The following LRP8 variants were observed in gnomAD, a reference collection of about 807,000 sequenced individuals.
LRP8 encodes the protein LDL receptor related protein 8.
A neutral mutation model predicts 111.6 loss-of-function variants in LRP8; 46 were observed. The ratio of observed to expected loss-of-function variants is 0.41; its 90% confidence interval spans 0.33 to 0.53. LRP8 has a LOEUF of 0.53. LRP8 is among the 20% of genes least tolerant of loss of function. LRP8 has a pLI of 0.20. For missense variants in LRP8, 959 were observed against 1,297.4 expected, an observed-to-expected ratio of 0.74 and a Z score of 4.01; for synonymous variants, 464 against 511.2, an observed-to-expected ratio of 0.91 and a Z score of 1.24.
chr1:53,265,773 C>T (rs1463085976), intron 9 of LRP8, among the ~76,000 whole-genome samples: 1 of 152,246 alleles, frequency 6.6e-6, no homozygotes, highest in Non-Finnish European at 1.5e-5. Context: ...CTACCCAGCG[C>T]CTGGTCATCG....
chr1:53,305,482 C>T (rs1336574307), intron 2 of LRP8: 1 of 152,250 alleles, frequency 6.6e-6, no homozygotes, highest in Non-Finnish European at 1.5e-5. Flanking sequence ...GGCCTAGCCT[C>T]TGTCATCCTG....
intron 2 of LRP8, among the ~76,000 whole-genome samples, chr1:53,297,261 C>T (rs915910072): frequency 2.0e-5 from 3 of 152,202 alleles, no homozygotes; most frequent in Admixed American, 6.5e-5. Context: ...TGACAGCTAC[C>T]GCCAGAGTCG....
chr1:53,311,386 T>C (rs187711961), intron 2 of LRP8, among the ~76,000 whole-genome samples: 1 of 152,244 alleles, frequency 6.6e-6, no homozygotes, highest in Admixed American at 6.5e-5. Flanking sequence ...TCCTGGGGTG[T>C]GGGCTCCAAG....
At chr1:53,308,787 G>A (rs112739494) in intron 2 of LRP8, among the ~76,000 whole-genome samples, 2 of 152,192 alleles carry the variant, frequency 1.3e-5, no homozygotes, top group South Asian at 2.1e-4. Flanking sequence ...TTCCAAAGGA[G>A]CTCTCACACT....
At chr1:53,271,599 G>A (rs768550672) in intron 6 of LRP8, among the ~76,000 whole-genome samples, 13 of 152,188 alleles carry the variant, frequency 8.5e-5, no homozygotes, top group African/African-American at 3.1e-4. Context: ...TTAGGTCCCC[G>A]GCCTCCCGGC....
In LRP8 at chr1:53,262,161, T is replaced by C. The variant is rs1041934753; in HGVS notation, c.1821A>G (p.Gln607=). The change falls in exon 12 of 19, where the codon CAA becomes CAG. Residue 607 remains glutamine, a synonymous_variant. Transcript: ENST00000306052. This position sits in a 1 kb window ranked among gnomAD's most constrained non-coding sequence, Gnocchi z 4.8. ...RLYWVDSKLH[Q]LSSIDFSGGN... ...CTCCACTGAAGTCAATGCTGGACAG[T>C]TGGTGTAGCTTGGAGTCTACCCAGT... is the stretch of plus-strand genomic sequence containing the variant. The C allele has an allele frequency of 6.2e-7, 1 of 1,613,872 alleles. No individual in the cohort carries two copies. Among genetic ancestry groups the C allele is most frequent in the Non-Finnish European group, 8.5e-7 (1 of 1,180,022 alleles).
chr1:53,255,374 T>C (rs2100353993), intron 15 of LRP8, among the ~76,000 whole-genome samples, 189 bp from the exon 16 acceptor site: 1 of 152,262 alleles, frequency 6.6e-6, no homozygotes, highest in East Asian at 1.9e-4. Context: ...GGACAGAGGT[T>C]ATCTCCATTT....
chr1:53,307,600 A>C (rs1652226251), intron 2 of LRP8: 1 of 152,272 alleles, frequency 6.6e-6, no homozygotes, highest in African/African-American at 2.4e-5. Flanking sequence ...ATACTCAGAC[A>C]CGCATGTCAT....
chr1:53,299,240 C>T (rs1321351549), intron 2 of LRP8, among the ~76,000 whole-genome samples: 1 of 152,206 alleles, frequency 6.6e-6, no homozygotes, highest in Non-Finnish European at 1.5e-5. Flanking sequence ...CTGCTACCCA[C>T]AGGCAGGCAG....
chr1:53,273,356 G>A (rs1646818407), intron 6 of LRP8, among the ~76,000 whole-genome samples: 1 of 152,272 alleles, frequency 6.6e-6, no homozygotes, highest in East Asian at 1.9e-4. Flanking sequence ...ACAGTCCCAT[G>A]GACTCCATAG....
intron 2 of LRP8, among the ~76,000 whole-genome samples, chr1:53,310,644 G>A (rs1367837124): frequency 1.3e-5 from 2 of 152,190 alleles, no homozygotes; most frequent in African/African-American, 4.8e-5. Context: ...GGATCAGCCA[G>A]GGTGTCTGTG....
chr1:53,288,535 T>A (rs185512331), intron 3 of LRP8: 1 of 151,596 alleles, frequency 6.6e-6, no homozygotes, highest in East Asian at 1.9e-4. Context: ...CTTGCTCTGT[T>A]CTCTCTCTCT....
rs1416624165 is a variant in LRP8, at chr1:53,288,960, C to A, written c.367+607G>T. Among the ~76,000 whole-genome samples the A allele has an allele frequency of 3.3e-5, 5 of 152,266 alleles. No homozygotes were observed. In the East Asian group the frequency reaches 9.7e-4, roughly 29 times the overall value. On this transcript the variant is annotated intron_variant, in intron 3 of 18. Transcript: ENST00000306052. ...GGGGCTCAGCTCTGGCCTCTACCTCCCCCTGCCTGCCTCTGCTACCACCCA... is the reference window on the plus strand; with the variant it reads ...GGGGCTCAGCTCTGGCCTCTACCTCACCCTGCCTGCCTCTGCTACCACCCA...
rs935923815 is a variant in LRP8, at chr1:53,296,991, G to A, written c.245-7302C>T. 4.6e-5 allele frequency among the ~76,000 whole-genome samples: 7 copies of A among 152,178 alleles called. No homozygotes were observed. In the South Asian group the frequency reaches 8.3e-4, roughly 18 times the overall value. ...GTGGGGGTGATGCCCAGAGCCCATC[G>A]CCAGCAGATCTGGGGTCCAGCAGCA... On this transcript the variant is annotated intron_variant, in intron 2 of 18. Transcript: ENST00000306052.
intron 2 of LRP8, among the ~76,000 whole-genome samples, chr1:53,311,647 CCT>C (rs1653023024): frequency 1.3e-5 from 2 of 152,020 alleles, no homozygotes; most frequent in Admixed American, 1.3e-4. Flanking sequence ...TCTCCCTACT[CCT>C]CTGTCTCTGC....
chr1:53,290,073 A>T (rs557698732), intron 2 of LRP8, among the ~76,000 whole-genome samples: 1 of 151,154 alleles, frequency 6.6e-6, no homozygotes, highest in African/African-American at 2.4e-5. Flanking sequence ...ACTTTCCCCA[A>T]CTGGACTGGA....
intron 7 of LRP8, 26 bp from the exon 8 acceptor site, chr1:53,271,179 C>A: frequency 6.2e-7 from 1 of 1,613,982 alleles, no homozygotes; most frequent in Non-Finnish European, 8.5e-7. Context: ...GGAGTCAGAA[C>A]CAGCAGGAGG....
chr1:53,266,493 G>A lies in LRP8; in HGVS notation c.1407C>T (p.Leu469=), dbSNP rs759609085. ...CTCACCTATAGATCTTACGGTAGGA[G>A]AGGTCACACCAGTAGATGCGATTGG... The part of the protein sequence containing the change: ...VATNRIYWCD[L]SYRKIYSAYM... Residue 469 remains leucine, a synonymous_variant, in exon 9 of 19, where the codon CTC becomes CTT. Transcript: ENST00000306052. The surrounding 1 kb of genome is among the most constrained non-coding windows in gnomAD (Gnocchi z 5.0). 6 of 1,614,084 alleles carry A rather than the reference G, an allele frequency of 3.7e-6. No homozygotes were observed. Among genetic ancestry groups the A allele is most frequent in the Middle Eastern group, 1.6e-4 (1 of 6,084 alleles).
intron 2 of LRP8, among the ~76,000 whole-genome samples, chr1:53,297,254 C>G (rs1649908103): frequency 6.6e-6 from 1 of 152,226 alleles, no homozygotes; most frequent in Non-Finnish European, 1.5e-5. Flanking sequence ...GACTCCATGA[C>G]AGCTACCGCC....
Sources: allele counts gnomAD v4.1 joint callset (sites outside exome capture counted in the v4.1 genomes callset), GRCh38; gene constraint gnomAD v4.1.1; non-coding constraint Gnocchi (gnomAD v3.1); transcripts MANE v1.5; gene names NCBI Gene and HGNC (gene_info 2026-07-23, HGNC 2026-07-21).